The following SNTG1 variants were observed in gnomAD, a reference collection of about 807,000 sequenced individuals.
SNTG1 encodes the protein syntrophin gamma 1.
In SNTG1, 39 loss-of-function variants were observed where a neutral mutation model predicts 74.7. The observed-to-expected ratio is 0.52, with a 90% CI of 0.40 to 0.68. SNTG1 has a LOEUF of 0.68. SNTG1 is among the 30% of genes least tolerant of loss of function. SNTG1 has a pLI of 0.00. For synonymous variants in SNTG1, 254 were observed against 217.1 expected (o/e 1.17, Z -1.49); for missense variants, 685 against 609.5 (o/e 1.12, Z -1.30).
chr8:50,331,384 A>T (rs1461319014), intron 2 of SNTG1, among the ~76,000 whole-genome samples: 1 of 152,182 alleles, frequency 6.6e-6, no homozygotes, highest in South Asian at 2.1e-4. Context: ...GACCAAAACG[A>T]TCTTTAATTA....
chr8:50,039,983 T>A (rs1388871692), intron 1 of SNTG1, among the ~76,000 whole-genome samples: 1 of 152,040 alleles, frequency 6.6e-6, no homozygotes, highest in Non-Finnish European at 1.5e-5. Context: ...GAGGAAGGTG[T>A]CCAAGGGGCA....
At chr8:50,023,067 G>A (rs369098846) in intron 1 of SNTG1, among the ~76,000 whole-genome samples, 47 of 152,234 alleles carry the variant, frequency 3.1e-4, no homozygotes, top group Middle Eastern at 3.4e-3. Context: ...TGAGAAATCC[G>A]GTCCCCAAGG....
chr8:49,997,249 A>C (rs1814314129), intron 1 of SNTG1, among the ~76,000 whole-genome samples: 1 of 151,460 alleles, frequency 6.6e-6, no homozygotes, highest in Non-Finnish European at 1.5e-5. Flanking sequence ...CCACTTTTGT[A>C]TCTCACCCCA....
At chr8:50,551,427 C>A (rs1563562646) in intron 11 of SNTG1, among the ~76,000 whole-genome samples, 3 of 152,082 alleles carry the variant, frequency 2.0e-5, no homozygotes. Context: ...CTTTTATTAG[C>A]TAAAAAATCT....
chr8:50,645,444 T>C (rs1266127948), intron 13 of SNTG1, among the ~76,000 whole-genome samples: 1 of 152,150 alleles, frequency 6.6e-6, no homozygotes, highest in African/African-American at 2.4e-5. Flanking sequence ...AAATATCTTA[T>C]TTGTGTGTGG....
chr8:50,769,187 G>A (rs1468386650), intron 18 of SNTG1, among the ~76,000 whole-genome samples: 5 of 150,530 alleles, frequency 3.3e-5, no homozygotes, highest in Non-Finnish European at 5.9e-5. Context: ...TTTCTCTCTC[G>A]GTAGACTATA....
intron 18 of SNTG1, among the ~76,000 whole-genome samples, chr8:50,775,044 C>T (rs2095636829): frequency 6.7e-6 from 1 of 149,754 alleles, no homozygotes; most frequent in Non-Finnish European, 1.5e-5. Context: ...TTATAACCCC[C>T]AAAATAAAAA....
chr8:50,351,327 C>T (rs142412988), intron 2 of SNTG1, among the ~76,000 whole-genome samples: 26 of 152,190 alleles, frequency 1.7e-4, no homozygotes, highest in East Asian at 5.8e-4. Context: ...ACACACAGAA[C>T]GTCCCTTCAC....
At chr8:50,215,184 A>G (rs2084720355) in intron 2 of SNTG1, among the ~76,000 whole-genome samples, 1 of 152,082 alleles carries the variant, frequency 6.6e-6, no homozygotes, top group African/African-American at 2.4e-5. Flanking sequence ...AGTGGAAGTC[A>G]CAAGACAAAA....
intron 1 of SNTG1, among the ~76,000 whole-genome samples, chr8:50,129,355 G>C (rs1264042190): frequency 1.1e-4 from 16 of 152,130 alleles, no homozygotes. Context: ...AGTGTCTACT[G>C]TCCAGGTGGA....
intron 2 of SNTG1, among the ~76,000 whole-genome samples, chr8:50,375,868 C>A (rs922479026): frequency 6.6e-6 from 1 of 152,100 alleles, no homozygotes; most frequent in Non-Finnish European, 1.5e-5. Context: ...AGACTTTGAG[C>A]TCCAGGTTAT....
At chr8:49,944,471 G>A (rs942776271) in intron 1 of SNTG1, among the ~76,000 whole-genome samples, 1 of 145,758 alleles carries the variant, frequency 6.9e-6, no homozygotes, top group Non-Finnish European at 1.5e-5. Context: ...GTAAACTATC[G>A]CAAGGACAAA....
chr8:49,971,827 C>T (rs926784772), intron 1 of SNTG1, among the ~76,000 whole-genome samples: 1 of 152,052 alleles, frequency 6.6e-6, no homozygotes, highest in Non-Finnish European at 1.5e-5. Flanking sequence ...AGGACCTCTT[C>T]AAGGAGAACT....
chr8:50,159,083 C>A (rs779749522), intron 1 of SNTG1, among the ~76,000 whole-genome samples: 2 of 151,998 alleles, frequency 1.3e-5, no homozygotes, highest in Non-Finnish European at 2.9e-5. Context: ...TTTTGATGAC[C>A]GGCCGTTTGG....
chr8:50,330,300 T>C (rs951962380), intron 2 of SNTG1, among the ~76,000 whole-genome samples: 7 of 152,194 alleles, frequency 4.6e-5, no homozygotes, highest in Non-Finnish European at 8.8e-5. Context: ...ACTGTGATTA[T>C]ACATTTTCTG....
intron 9 of SNTG1, among the ~76,000 whole-genome samples, chr8:50,510,646 G>A (rs1300142884): frequency 6.6e-6 from 1 of 152,170 alleles, no homozygotes; most frequent in African/African-American, 2.4e-5. Context: ...AGTCTTGGGA[G>A]GGTGTATATG....
chr8:50,246,155 G>T (rs2086388947), intron 2 of SNTG1, among the ~76,000 whole-genome samples: 1 of 150,822 alleles, frequency 6.6e-6, no homozygotes, highest in Non-Finnish European at 1.5e-5. Flanking sequence ...TAATGGGTAA[G>T]TAGATATTGT....
intron 1 of SNTG1, among the ~76,000 whole-genome samples, chr8:49,962,688 C>T (rs1306474938): frequency 6.6e-6 from 1 of 152,108 alleles, no homozygotes; most frequent in Non-Finnish European, 1.5e-5. Context: ...CTCTTCCTCC[C>T]AGTTCAAGAG....
chr8:50,168,609 C>T (rs796762655), intron 1 of SNTG1, among the ~76,000 whole-genome samples: 5 of 151,954 alleles, frequency 3.3e-5, no homozygotes, highest in African/African-American at 1.2e-4. Flanking sequence ...ATATTAATAC[C>T]AAAAGAATCT....
Sources: allele counts gnomAD v4.1 joint callset (sites outside exome capture counted in the v4.1 genomes callset), GRCh38; gene constraint gnomAD v4.1.1; transcripts MANE v1.5; gene names NCBI Gene and HGNC (gene_info 2026-07-23, HGNC 2026-07-21).